Variants in GLIS3 observed in about 807,000 individuals in gnomAD.
GLIS3 encodes GLIS family zinc finger 3, also known as zinc finger protein GLIS3.
GLIS3 carries 53 observed loss-of-function variants against 78.6 expected under a neutral mutation model. The ratio of observed to expected loss-of-function variants is 0.67; its 90% CI spans 0.54 to 0.85. The LOEUF is 0.85. Among genes scored for constraint, GLIS3 ranks in the 40% least tolerant of loss-of-function variants. The pLI is 0.00. For synonymous variants in GLIS3, 684 were observed against 509.9 expected, an observed-to-expected ratio of 1.34 and a Z score of -4.60; for missense variants, 1,703 against 1,231.1, an observed-to-expected ratio of 1.38 and a Z score of -5.74.
At chr9:4,257,565 A>ACGT (rs1825084093) in intron 2 of GLIS3, among the ~76,000 whole-genome samples, 4 of 41,486 alleles carry the variant, frequency 9.6e-5, no homozygotes, top group Non-Finnish European at 1.7e-4. Context: ...TAACATGTAT[A>ACGT]TGTTGTTGTT....
At position 3,898,875 on chromosome 9, in the gene GLIS3, C is replaced by T. The variant is rs752655699; in HGVS notation, c.1984-40G>A. 5.0e-6 allele frequency: 8 copies of T among 1,612,378 alleles called. 1 individual carries two copies. The highest frequency in any genetic ancestry group is 3.3e-5 in the Admixed American group (2 of 59,990). On this transcript the variant is annotated intron_variant, in intron 6 of 10. Coordinates refer to ENST00000381971, the MANE Select transcript of GLIS3 (RefSeq NM_001042413.2). ...CGGAAGAGACATCGATAAGGAGAGC[C>T]GGTCCTTGGAATATTTTCCTGGGAA...
the GLIS3 span, among the ~76,000 whole-genome samples, chr9:4,368,485 C>G: frequency 6.6e-6 from 1 of 152,158 alleles, no homozygotes; most frequent in African/African-American, 2.4e-5. Context: ...GCCGGGACTA[C>G]AGGTGCCCAC....
At chr9:4,163,284 A>ACATAC in intron 2 of GLIS3, among the ~76,000 whole-genome samples, 1 of 152,352 alleles carries the variant, frequency 6.6e-6, no homozygotes, top group Middle Eastern at 3.4e-3. Context: ...ACGCGCGCAC[A>ACATAC]CATACCATTT....
At chr9:4,080,605 A>G (rs1828471830) in intron 4 of GLIS3, among the ~76,000 whole-genome samples, 1 of 152,180 alleles carries the variant, frequency 6.6e-6, no homozygotes, top group African/African-American at 2.4e-5. Context: ...ATTAATACTG[A>G]TTAAATATTA....
intron 2 of GLIS3, among the ~76,000 whole-genome samples, chr9:4,270,437 TC>T (rs1239272444): frequency 1.3e-5 from 2 of 152,120 alleles, no homozygotes; most frequent in African/African-American, 4.8e-5. Flanking sequence ...CTTCAGGGTC[TC>T]CCTAGGATGT....
chr9:3,918,019 A>C (rs951870564), intron 6 of GLIS3, among the ~76,000 whole-genome samples: 2 of 152,242 alleles, frequency 1.3e-5, no homozygotes, highest in African/African-American at 4.8e-5. Context: ...ACGTCTATCA[A>C]ATCATGAGAT....
the GLIS3 span, among the ~76,000 whole-genome samples, chr9:4,361,413 A>G: frequency 6.6e-6 from 1 of 152,216 alleles, no homozygotes; most frequent in Non-Finnish European, 1.5e-5. Flanking sequence ...TTACTCCCCT[A>G]AAGATGCTGT....
intron 2 of GLIS3, among the ~76,000 whole-genome samples, chr9:4,247,115 G>C (rs1295769250): frequency 6.6e-6 from 1 of 152,144 alleles, no homozygotes. Flanking sequence ...TGAGTTCGGT[G>C]CACACCAAAA....
intron 7 of GLIS3, among the ~76,000 whole-genome samples, chr9:3,891,845 T>G (rs993854105): frequency 1.3e-5 from 2 of 152,166 alleles, no homozygotes; most frequent in African/African-American, 4.8e-5. Flanking sequence ...CATCGCATCT[T>G]TCATGAAGTA....
At chr9:4,006,553 A>T (rs1821568824) in intron 4 of GLIS3, among the ~76,000 whole-genome samples, 1 of 152,140 alleles carries the variant, frequency 6.6e-6, no homozygotes, top group African/African-American at 2.4e-5. Context: ...GAATGCAGGT[A>T]TGTTCCTTGA....
chr9:4,480,141 A>G, the GLIS3 span, among the ~76,000 whole-genome samples: 2 of 149,504 alleles, frequency 1.3e-5, no homozygotes, highest in Non-Finnish European at 3.0e-5. Flanking sequence ...ATAGGTGGAG[A>G]CGTGTCTTTC....
At chr9:3,902,332 C>A (rs563611480) in intron 6 of GLIS3, among the ~76,000 whole-genome samples, 3 of 152,126 alleles carry the variant, frequency 2.0e-5, no homozygotes, top group Admixed American at 6.5e-5. Flanking sequence ...AGGAAAGGGG[C>A]TTTCAGATCC....
rs1421861043 is a variant in GLIS3, at chr9:4,338,023, GCTGTGTGT to G, written n.264+9050_264+9057del. On this transcript the variant is annotated intron_variant and non_coding_transcript_variant, in intron 2 of 4. Coordinates refer to the GLIS3 transcript ENST00000471664. ...ATGTCTAACTGGTAAGATTGGCAAGGCTGTGTGTGTGTGTGTGTGTGTGTGTGTGTGTG... is the reference window on the plus strand; with the variant it reads ...ATGTCTAACTGGTAAGATTGGCAAGGGTGTGTGTGTGTGTGTGTGTGTGTG... Among the ~76,000 whole-genome samples, 77 of 115,804 alleles carry G rather than the reference GCTGTGTGT, an allele frequency of 6.6e-4. 1 individual carries two copies. Among genetic ancestry groups the G allele is most frequent in the African/African-American group, 2.6e-3 (74 of 28,908 alleles). The allele number at this position is 115,804 out of a possible 152,430, so 76.0% of individuals were successfully genotyped here.
At chr9:4,177,424 T>C (rs936090866) in intron 2 of GLIS3, among the ~76,000 whole-genome samples, 28 of 152,326 alleles carry the variant, frequency 1.8e-4, no homozygotes, top group African/African-American at 6.3e-4. Flanking sequence ...CAAATTTTGG[T>C]TGACATACAT....
the GLIS3 span, among the ~76,000 whole-genome samples, chr9:4,405,762 A>T: frequency 2.6e-5 from 4 of 151,896 alleles, no homozygotes; most frequent in Non-Finnish European, 5.9e-5. Context: ...ACAAAGACAC[A>T]TTAAAAAAAA....
chr9:3,935,723 CT>C (rs1410412465), intron 5 of GLIS3, among the ~76,000 whole-genome samples: 1 of 151,504 alleles, frequency 6.6e-6, no homozygotes, highest in Non-Finnish European at 1.5e-5. Flanking sequence ...ACAATTTATT[CT>C]TTTTTTTTCT....
chr9:4,373,056 C>T, the GLIS3 span, among the ~76,000 whole-genome samples: 60 of 152,294 alleles, frequency 3.9e-4, no homozygotes, highest in African/African-American at 1.4e-3. Flanking sequence ...ATTAAATGGC[C>T]TATCTCAGAA....
At chr9:3,955,980 C>T (rs1390758091) in intron 4 of GLIS3, among the ~76,000 whole-genome samples, 1 of 140,794 alleles carries the variant, frequency 7.1e-6, no homozygotes, top group Non-Finnish European at 1.5e-5. Flanking sequence ...ATACCATAGA[C>T]TGCTCCCATA....
intron 2 of GLIS3, among the ~76,000 whole-genome samples, chr9:4,158,214 C>G (rs1313055299): frequency 6.6e-6 from 1 of 152,158 alleles, no homozygotes; most frequent in Admixed American, 6.5e-5. Flanking sequence ...CTCCTTTCTC[C>G]ATTACATCAA....
Sources: gnomAD v4.1 joint callset for allele counts (sites outside exome capture counted in the v4.1 genomes callset) on GRCh38, gnomAD v4.1.1 for gene constraint, MANE v1.5 for transcripts, NCBI Gene and HGNC (gene_info 2026-07-23, HGNC 2026-07-21) for gene names.